The following NXPE2 variants were observed in gnomAD, a reference collection of about 807,000 sequenced individuals.
NXPE2 encodes the protein neurexophilin and PC-esterase domain family member 2.
In NXPE2, 34 loss-of-function variants were observed where a neutral mutation model predicts 34.4. That is an observed-to-expected ratio of 0.99 (90% CI 0.75 to 1.31). The LOEUF is 1.31. NXPE2 is among the 40% of genes most tolerant of loss of function. The probability of loss-of-function intolerance (pLI) is 0.00; values close to 1 mark genes in which losing one functional copy is unlikely to be tolerated. For synonymous variants in NXPE2, 235 were observed against 231.3 expected (o/e 1.02, Z -0.15); for missense variants, 649 against 672.5 (o/e 0.97, Z 0.39).
At chr11:114,719,668 A>G in the NXPE2 span, among the ~76,000 whole-genome samples, 1 of 152,246 alleles carries the variant, frequency 6.6e-6, no homozygotes. Flanking sequence ...GCCAGCCTCA[A>G]GTGCTCACCT....
the NXPE2 span, among the ~76,000 whole-genome samples, chr11:114,798,852 A>G: frequency 2.0e-5 from 3 of 151,890 alleles, no homozygotes; most frequent in Non-Finnish European, 4.4e-5. Context: ...CATCTCTTTC[A>G]ATCTGTACCT....
At chr11:114,689,841 G>T (rs1023888186) in intron 2 of NXPE2, among the ~76,000 whole-genome samples, 9 of 152,086 alleles carry the variant, frequency 5.9e-5, no homozygotes, top group Non-Finnish European at 1.3e-4. Context: ...TTATCATTAT[G>T]TCATGCCCTT....
the NXPE2 span, among the ~76,000 whole-genome samples, chr11:114,563,893 A>G: frequency 6.6e-5 from 10 of 152,358 alleles, no homozygotes; most frequent in Non-Finnish European, 1.0e-4. Context: ...TAGTACAACC[A>G]TTGTGGAAAA....
chr11:114,660,408 T>C, the NXPE2 span, among the ~76,000 whole-genome samples: 4 of 152,024 alleles, frequency 2.6e-5, no homozygotes, highest in African/African-American at 9.7e-5. Context: ...ATGGATAATA[T>C]ATCCTGACAA....
the NXPE2 span, among the ~76,000 whole-genome samples, chr11:114,535,237 A>T: frequency 5.5e-3 from 835 of 152,308 alleles, 10 homozygotes; most frequent in African/African-American, 0.018. Flanking sequence ...ATGCTGAGAG[A>T]TTTTGTCACC....
chr11:114,581,663 A>G, the NXPE2 span: 2 of 1,332,004 alleles, frequency 1.5e-6, no homozygotes. Flanking sequence ...TCCAGTAGAA[A>G]GAAGAAACCC....
chr11:114,561,026 C>T, the NXPE2 span, among the ~76,000 whole-genome samples: 1 of 152,196 alleles, frequency 6.6e-6, no homozygotes, highest in Non-Finnish European at 1.5e-5. Flanking sequence ...ATGCCCTTCC[C>T]TCTGGAACCT....
Position 114,706,455 on chromosome 11 carries a change from T to C in NXPE2, c.1205T>C (p.Val402Ala), listed in dbSNP as rs1057044092. Residue 402 changes from valine to alanine, a missense_variant, in exon 6 of 6, where the codon GTT (valine) becomes GCT (alanine). By Grantham distance (64) the Val-to-Ala change is moderately conservative. Transcript: ENST00000389586. ...TTTAAAACACATGTTCTTCTGGATG[T>C]TGAAAGACATATTTTGATTCAGTGG... ...GIFKTHVLLD[V>A]ERHILIQWKK... 3.2e-6 allele frequency: 5 copies of C among 1,551,592 alleles called. No individual in the cohort carries two copies. Among genetic ancestry groups the C allele is most frequent in the Non-Finnish European group, 4.4e-6 (5 of 1,146,922 alleles).
chr11:114,599,397 T>G, the NXPE2 span, among the ~76,000 whole-genome samples: 4 of 152,224 alleles, frequency 2.6e-5, no homozygotes. Flanking sequence ...TATTCTTGTC[T>G]TCTTCTGGGC....
chr11:114,701,320 T>G (rs147521346), intron 3 of NXPE2, among the ~76,000 whole-genome samples: 1 of 152,110 alleles, frequency 6.6e-6, no homozygotes, highest in African/African-American at 2.4e-5. Flanking sequence ...GTGGTCCTCA[T>G]TGAAGCCTGG....
the NXPE2 span, among the ~76,000 whole-genome samples, chr11:114,635,468 C>A: frequency 1.3e-5 from 2 of 151,426 alleles, no homozygotes; most frequent in Middle Eastern, 3.4e-3. Context: ...CCTTCTCCTG[C>A]GTAATTGCCC....
the NXPE2 span, among the ~76,000 whole-genome samples, chr11:114,632,141 TTTA>T: frequency 9.1e-5 from 13 of 143,646 alleles, no homozygotes; most frequent in Middle Eastern, 3.6e-3. Flanking sequence ...TATATTATAA[TTTA>T]TTATGTTATA....
At chr11:114,553,157 G>A in the NXPE2 span, among the ~76,000 whole-genome samples, 1 of 151,860 alleles carries the variant, frequency 6.6e-6, no homozygotes, top group Non-Finnish European at 1.5e-5. Context: ...TTCCTCAATC[G>A]TTTTCATTGA....
chr11:114,713,632 C>A, the NXPE2 span, among the ~76,000 whole-genome samples: 4 of 152,126 alleles, frequency 2.6e-5, no homozygotes, highest in Non-Finnish European at 5.9e-5. Context: ...CAGTTCAAAC[C>A]CCTGTTGTTC....
the NXPE2 span, among the ~76,000 whole-genome samples, chr11:114,626,868 G>T: frequency 1.3e-5 from 2 of 152,142 alleles, no homozygotes; most frequent in Non-Finnish European, 2.9e-5. Flanking sequence ...ACTACGTGAA[G>T]AATGCAGAAG....
At chr11:114,727,480 C>T in the NXPE2 span, among the ~76,000 whole-genome samples, 16,009 of 151,912 alleles carry the variant, frequency 0.11, 944 homozygotes, top group Middle Eastern at 0.16. Context: ...AAGATGAGGG[C>T]AACACAAATA....
intron 2 of NXPE2, among the ~76,000 whole-genome samples, chr11:114,689,116 C>CT (rs1951102320): frequency 6.6e-6 from 1 of 151,748 alleles, no homozygotes; most frequent in Non-Finnish European, 1.5e-5. Flanking sequence ...TTAGTTATTT[C>CT]TTTTCTTCTG....
the NXPE2 span, among the ~76,000 whole-genome samples, chr11:114,645,806 T>G: frequency 6.6e-6 from 1 of 152,154 alleles, no homozygotes; most frequent in Non-Finnish European, 1.5e-5. Flanking sequence ...AGAATTCAAA[T>G]CACAGTGACA....
At chr11:114,630,389 C>A in the NXPE2 span, among the ~76,000 whole-genome samples, 1 of 151,786 alleles carries the variant, frequency 6.6e-6, no homozygotes, top group African/African-American at 2.4e-5. Context: ...ACTATCTGAT[C>A]TTTGAGAAAC....
Sources: allele counts gnomAD v4.1 joint callset (sites outside exome capture counted in the v4.1 genomes callset), GRCh38; gene constraint gnomAD v4.1.1; transcripts MANE v1.5; gene names NCBI Gene and HGNC (gene_info 2026-07-23, HGNC 2026-07-21).